Variants in USP25 observed in about 807,000 individuals in gnomAD.
USP25 encodes the protein ubiquitin carboxyl-terminal hydrolase 25.
Under a neutral mutation model 158.5 loss-of-function variants are expected in USP25, and 85 were observed. The observed-to-expected ratio is 0.54, with a 90% CI of 0.45 to 0.64. The LOEUF is 0.64. USP25 is among the 30% of genes least tolerant of loss of function. The pLI is 0.00. For missense variants in USP25, 1,242 were observed against 1,327.3 expected (o/e 0.94, Z 1.00); for synonymous variants, 464 against 460.4 (o/e 1.01, Z -0.10).
intron 3 of USP25, among the ~76,000 whole-genome samples, chr21:15,772,568 A>C (rs768285612): frequency 6.6e-6 from 1 of 152,220 alleles, no homozygotes; most frequent in Non-Finnish European, 1.5e-5. Context: ...GAAGTTTTAC[A>C]AAGGCTAATT....
At chr21:15,758,294 A>C (rs1012167501) in intron 1 of USP25, among the ~76,000 whole-genome samples, 1 of 152,162 alleles carries the variant, frequency 6.6e-6, no homozygotes, top group African/African-American at 2.4e-5. Flanking sequence ...TGATATGGTT[A>C]GCCTTTGTGT....
At chr21:15,850,553 GT>G (rs750052962) in intron 20 of USP25, among the ~76,000 whole-genome samples, 219 of 141,448 alleles carry the variant, frequency 1.5e-3, no homozygotes, top group East Asian at 3.1e-3. Flanking sequence ...AAATCTTCAA[GT>G]TTTTTTTTTT....
Position 15,792,895 on chromosome 21 carries a change from A to G in USP25, c.555+1231A>G, listed in dbSNP as rs190948317. Among the ~76,000 whole-genome samples, 567 of 151,720 alleles carry G rather than the reference A, an allele frequency of 3.7e-3. 2 individuals are homozygous for G. Among genetic ancestry groups the G allele is most frequent in the African/African-American group, 0.013 (542 of 41,500 alleles). On this transcript the variant is annotated intron_variant, in intron 5 of 25. Coordinates refer to ENST00000400183, the MANE Select transcript of USP25 (RefSeq NM_001283041.3). ...GGAATACCTGGATTAACATAAATCT[A>G]TAGTAGTATCTTTGCTTCTAGCCTT...
In USP25 at chr21:15,807,081, G is replaced by A. The variant is rs188713229; in HGVS notation, c.781-1728G>A. 9.2e-5 allele frequency among the ~76,000 whole-genome samples: 14 copies of A among 151,878 alleles called. No individual in the cohort carries two copies. In the East Asian group the frequency reaches 2.3e-3, roughly 25 times the overall value. ...TGAGACCACAGGCACATGCCACCGC[G>A]CCTGGCAAATAATTTTATTTTATTT... On this transcript the variant is annotated intron_variant, in intron 7 of 25. Transcript: ENST00000400183.
chr21:15,850,427 A>G (rs2038833314), intron 20 of USP25, among the ~76,000 whole-genome samples: 3 of 152,042 alleles, frequency 2.0e-5, no homozygotes, highest in Admixed American at 2.0e-4. Flanking sequence ...ATTTACCCAC[A>G]TCTTTTTCCC....
chr21:15,744,729 C>G (rs1332225430), intron 1 of USP25, among the ~76,000 whole-genome samples: 2 of 152,032 alleles, frequency 1.3e-5, no homozygotes, highest in African/African-American at 4.8e-5. Flanking sequence ...GCTGGGACTA[C>G]AGGTGCCTGC....
intron 1 of USP25, among the ~76,000 whole-genome samples, chr21:15,757,899 C>G (rs1339705947): frequency 1.3e-5 from 2 of 152,088 alleles, no homozygotes; most frequent in East Asian, 3.8e-4. Context: ...GATTTATATT[C>G]GTGTTTGTAT....
At chr21:15,822,868 T>C (rs567721023) in intron 10 of USP25, among the ~76,000 whole-genome samples, 29 of 152,156 alleles carry the variant, frequency 1.9e-4, no homozygotes, top group African/African-American at 6.3e-4. Flanking sequence ...AACAAATTCC[T>C]TAAACTTTAG....
chr21:15,864,161 A>G, intron 20 of USP25, 107 bp from the exon 21 acceptor site: 1 of 1,131,792 alleles, frequency 8.8e-7, no homozygotes, highest in Middle Eastern at 2.2e-4. Context: ...TAAAAGCCAA[A>G]AAAAAAAAAA....
chr21:15,781,793 A>G (rs762100275), intron 4 of USP25, among the ~76,000 whole-genome samples: 1 of 152,150 alleles, frequency 6.6e-6, no homozygotes, highest in African/African-American at 2.4e-5. Flanking sequence ...CACTGCTACA[A>G]GAGAGTTCCC....
At position 15,831,438 on chromosome 21, in the gene USP25, G is replaced by T; in HGVS notation, c.1802G>T (p.Gly601Val). Reference protein sequence around the residue: ...YRLHAVLVHEGQANAGHYWAY... With the variant: ...YRLHAVLVHEVQANAGHYWAY... ...TTACATGCCGTTTTAGTTCACGAAG[G>T]CCAAGCTAATGCTGGGCACTACTGG... The change falls in exon 16 of 26, where the codon GGC becomes GTC. Residue 601 changes from glycine to valine, a missense_variant. Around this residue, in one of 3 missense-constraint regions of USP25, gnomAD observed 7 missense variants for 20.6 expected, o/e 0.34. Transcript: ENST00000400183. The T allele has an allele frequency of 6.2e-7, 1 of 1,613,970 alleles. No individual in the cohort carries two copies. The highest frequency in any genetic ancestry group is 8.5e-7 in the Non-Finnish European group (1 of 1,179,928).
chr21:15,766,273 A>C lies in USP25; in HGVS notation c.268+132A>C. ...ACTCTATTAACCTTGGTTCTTTTTA[A>C]TGTAGTTGAAAGGAACATACATTAT... On this transcript the variant is annotated intron_variant, in intron 3 of 25. Coordinates refer to ENST00000400183, the MANE Select transcript of USP25 (RefSeq NM_001283041.3). The surrounding 1 kb of genome is among the most constrained non-coding windows in gnomAD (Gnocchi z 4.0). 1 of 723,652 alleles carries C rather than the reference A, an allele frequency of 1.4e-6. No homozygotes were observed. Among genetic ancestry groups the C allele is most frequent in the Non-Finnish European group, 2.0e-6 (1 of 499,434 alleles). 44.8% of individuals were successfully genotyped at this position (723,652 alleles called of 1,614,324 possible).
chr21:15,764,144 T>A (rs2033898336), intron 2 of USP25, among the ~76,000 whole-genome samples: 1 of 152,164 alleles, frequency 6.6e-6, no homozygotes, highest in Non-Finnish European at 1.5e-5. Flanking sequence ...GCAGAAGTGC[T>A]ATACCTCAAT....
At chr21:15,860,568 CTAAG>C (rs1392271845) in intron 20 of USP25, among the ~76,000 whole-genome samples, 1 of 152,018 alleles carries the variant, frequency 6.6e-6, no homozygotes, top group Non-Finnish European at 1.5e-5. Context: ...TTTAAATTTT[CTAAG>C]TATTTAGGTT....
intron 1 of USP25, among the ~76,000 whole-genome samples, chr21:15,734,972 A>G (rs150265735): frequency 2.9e-3 from 437 of 152,216 alleles, no homozygotes; most frequent in African/African-American, 9.9e-3. Context: ...AGTGAGTGCT[A>G]TTTTTCTCCT....
At chr21:15,737,161 G>A (rs967137537) in intron 1 of USP25, among the ~76,000 whole-genome samples, 9 of 151,654 alleles carry the variant, frequency 5.9e-5, no homozygotes, top group Non-Finnish European at 1.0e-4. Flanking sequence ...GGCTTCAAAT[G>A]TTTCTTCTCT....
intron 1 of USP25, among the ~76,000 whole-genome samples, chr21:15,731,205 C>A (rs1344552577): frequency 1.3e-5 from 2 of 152,094 alleles, no homozygotes; most frequent in African/African-American, 2.4e-5. Context: ...GATCATTCTG[C>A]TATTTTAGAT....
At chr21:15,756,221 A>G (rs911764293) in intron 1 of USP25, among the ~76,000 whole-genome samples, 3 of 152,132 alleles carry the variant, frequency 2.0e-5, no homozygotes, top group Non-Finnish European at 4.4e-5. Context: ...ATCCAAGACA[A>G]TTTCGTTCCT....
chr21:15,797,558 A>T (rs1249035929), intron 5 of USP25, among the ~76,000 whole-genome samples: 5 of 151,268 alleles, frequency 3.3e-5, no homozygotes, highest in Non-Finnish European at 5.9e-5. Context: ...ACTAGCTGAA[A>T]TAATTCTTCA....
Sources: gnomAD v4.1 joint callset for allele counts (sites outside exome capture counted in the v4.1 genomes callset) on GRCh38, gnomAD v4.1.1 for gene constraint, gnomAD v4.1.1 regional missense constraint, Gnocchi (gnomAD v3.1) non-coding constraint, MANE v1.5 for transcripts, NCBI Gene and HGNC (gene_info 2026-07-23, HGNC 2026-07-21) for gene names.